USP9X: variants seen among roughly 807,000 people sequenced by gnomAD.
USP9X encodes the protein ubiquitin specific peptidase 9 X-linked.
A neutral mutation model predicts 190.3 loss-of-function variants in USP9X; 7 were observed. The ratio of observed to expected loss-of-function variants is 0.04; its 90% CI spans 0.02 to 0.07. The LOEUF (loss-of-function observed/expected upper bound fraction) is 0.07, where lower values mean the gene tolerates loss of function less well. Among genes scored for constraint, USP9X ranks in the 10% least tolerant of loss-of-function variants. USP9X has a pLI of 1.00. For synonymous variants in USP9X, 645 were observed against 659.5 expected, an observed-to-expected ratio of 0.98 and a Z score of 0.34; for missense variants, 1,010 against 1,916.9, an observed-to-expected ratio of 0.53 and a Z score of 8.83.
At chrX:41,164,106 C>T (rs748802704) in intron 15 of USP9X, among the ~76,000 whole-genome samples, 8 of 111,232 alleles carry the variant, frequency 7.2e-5, no homozygotes, top group Non-Finnish European at 1.5e-4. Flanking sequence ...CTCTTGACCT[C>T]GTGATCTGCC....
chrX:41,131,893 C>G (rs935898612), intron 4 of USP9X, among the ~76,000 whole-genome samples: 1 of 111,495 alleles, frequency 9.0e-6, no homozygotes, highest in Non-Finnish European at 1.9e-5. Flanking sequence ...GTATGATGGA[C>G]TCCAGACATA....
chrX:41,135,427 G>A (rs1569163066), intron 5 of USP9X, among the ~76,000 whole-genome samples: 1 of 111,479 alleles, frequency 9.0e-6, no homozygotes, highest in Non-Finnish European at 1.9e-5. Flanking sequence ...ATGTAAAGTG[G>A]TCTCATGTCG....
At chrX:41,150,662 G>A (rs1374504545) in intron 12 of USP9X, among the ~76,000 whole-genome samples, 1 of 111,531 alleles carries the variant, frequency 9.0e-6, no homozygotes, top group East Asian at 2.8e-4. Context: ...TCTGTAGTGT[G>A]TACAGATATA....
chrX:41,207,591 G>A (rs2063115097), intron 32 of USP9X, among the ~76,000 whole-genome samples: 1 of 111,364 alleles, frequency 9.0e-6, no homozygotes. Flanking sequence ...AATAACTACA[G>A]TACAACCACG....
intron 1 of USP9X, among the ~76,000 whole-genome samples, chrX:41,103,411 T>C (rs765294047): frequency 2.7e-5 from 3 of 112,266 alleles, no homozygotes; most frequent in African/African-American, 9.7e-5. Context: ...TCGGTACTTA[T>C]GTTAGCTTAA....
At chrX:41,217,463 A>G in intron 36 of USP9X, 120 bp downstream of exon 36, 1 of 829,490 alleles carries the variant, frequency 1.2e-6, no homozygotes, top group Middle Eastern at 3.3e-4. Flanking sequence ...ATAGAATAAA[A>G]ACTCTGGGTC....
At chrX:41,105,663 G>A (rs1179155054) in intron 1 of USP9X, among the ~76,000 whole-genome samples, 1 of 112,161 alleles carries the variant, frequency 8.9e-6, no homozygotes, top group Non-Finnish European at 1.9e-5. Flanking sequence ...ATACCCAGAA[G>A]TGGAATTGCT....
At chrX:41,153,543 A>G (rs2062549052) in intron 14 of USP9X, among the ~76,000 whole-genome samples, 1 of 112,540 alleles carries the variant, frequency 8.9e-6, no homozygotes, top group Non-Finnish European at 1.9e-5. Flanking sequence ...GTAAGAATCT[A>G]GATGTTTACA....
intron 14 of USP9X, among the ~76,000 whole-genome samples, chrX:41,157,515 G>A (rs1032310611): frequency 2.7e-5 from 3 of 110,912 alleles, no homozygotes; most frequent in Admixed American, 1.9e-4. Context: ...CAGAGCTGTC[G>A]GAAGCTGTGC....
intron 21 of USP9X, among the ~76,000 whole-genome samples, chrX:41,178,084 C>CT (rs758055868): frequency 0.033 from 1,141 of 34,350 alleles, 180 homozygotes; most frequent in African/African-American, 0.071. Context: ...AGGTTTAAAT[C>CT]TTTTTTTTTT....
intron 20 of USP9X, 152 bp downstream of exon 20, chrX:41,170,771 C>A: frequency 2.0e-6 from 1 of 500,827 alleles, no homozygotes; most frequent in Non-Finnish European, 3.1e-6. Flanking sequence ...AGAATGGATC[C>A]CTCTAAAAGG....
chrX:41,222,369 AAC>A (rs2063271657), intron 38 of USP9X, among the ~76,000 whole-genome samples: 1 of 101,396 alleles, frequency 9.9e-6, no homozygotes, highest in Non-Finnish European at 2.0e-5. Context: ...ATGGTTTGAG[AAC>A]TGCTCCTTAG....
chrX:41,118,396 A>G (rs912560065), intron 1 of USP9X, among the ~76,000 whole-genome samples: 2 of 111,614 alleles, frequency 1.8e-5, no homozygotes, highest in African/African-American at 3.3e-5. Flanking sequence ...TCTTTTGTGA[A>G]TGACTTATTT....
chrX:41,186,192 A>G (rs1383326403), intron 23 of USP9X, among the ~76,000 whole-genome samples: 2 of 111,155 alleles, frequency 1.8e-5, no homozygotes, highest in Non-Finnish European at 3.8e-5. Flanking sequence ...TACATAAAAG[A>G]TGTACAATAC....
At chrX:41,205,541 C>G (rs756240309) in intron 32 of USP9X, 48 bp downstream of exon 32, 1 of 1,059,449 alleles carries the variant, frequency 9.4e-7, no homozygotes, top group East Asian at 3.2e-5. Flanking sequence ...AAATGAACAT[C>G]TCAATACACT....
intron 4 of USP9X, among the ~76,000 whole-genome samples, chrX:41,132,295 ATTTTTTTTTTTTTT>A (rs11356870): frequency 5.5e-5 from 3 of 54,591 alleles, no homozygotes; most frequent in East Asian, 4.6e-4. Context: ...ATGCCCACTA[ATTTTTTTTTTTTTT>A]TTTTTTTTTT....
rs2063386345 is a variant in USP9X at position 41,234,444 on chromosome X, C to T, written c.*1920C>T. On this transcript the variant is annotated 3_prime_UTR_variant, in exon 45 of 45. Coordinates refer to ENST00000378308, the MANE Select transcript of USP9X (RefSeq NM_001039591.3). ...AGCTTTGGGTATCTTATTTGTAGTA[C>T]TGTATAGTCAACCTGTGCTTCTAGG... is the stretch of plus-strand genomic sequence containing the variant. 8.9e-6 allele frequency: 1 copy of T among 112,359 alleles called. No homozygotes were observed. 9.3% of individuals were successfully genotyped at this position (112,359 alleles called of 1,213,427 possible). A position where few individuals can be genotyped will look rare whatever the true frequency, so the allele number is the denominator to read the frequency against.
Position 41,150,960 on chromosome X carries a change from A to G in USP9X, c.1666A>G (p.Ile556Val). 1 of 1,208,086 alleles carries G rather than the reference A, an allele frequency of 8.3e-7. No homozygotes were observed. Residue 556 changes from isoleucine (I) to valine (V), a missense_variant, in exon 13 of 45, where the codon ATA becomes GTA. Transcript: ENST00000378308. ...AAAGATCCAATGGATAGATCGCTTTATAGAAGAACTTCGCACAAATGACAA... is the reference window on the plus strand; with the variant it reads ...AAAGATCCAATGGATAGATCGCTTTGTAGAAGAACTTCGCACAAATGACAA... ...TQKIQWIDRF[I>V]EELRTNDKWV...
chrX:41,089,330 T>C (rs1312928216), intron 1 of USP9X, among the ~76,000 whole-genome samples: 5 of 112,165 alleles, frequency 4.5e-5, no homozygotes, highest in Admixed American at 2.8e-4. Context: ...TGACACTGAT[T>C]GCTATTTTTA....
Sources: allele counts gnomAD v4.1 joint callset (sites outside exome capture counted in the v4.1 genomes callset), GRCh38; gene constraint gnomAD v4.1.1; transcripts MANE v1.5; gene names NCBI Gene and HGNC (gene_info 2026-07-23, HGNC 2026-07-21).